The following DGKI variants were observed in gnomAD, a reference collection of about 807,000 sequenced individuals.
DGKI encodes diacylglycerol kinase iota.
Under a neutral mutation model 147.5 loss-of-function variants are expected in DGKI, and 55 were observed. The ratio of observed to expected loss-of-function variants is 0.37; its 90% CI spans 0.30 to 0.47. The LOEUF (loss-of-function observed/expected upper bound fraction) is 0.47. Among genes scored for constraint, DGKI ranks in the 20% least tolerant of loss-of-function variants. The pLI, the probability that DGKI is intolerant of heterozygous loss-of-function variation, is 1.00. For synonymous variants in DGKI, 469 were observed against 477.1 expected, an observed-to-expected ratio of 0.98 and a Z score of 0.22; for missense variants, 1,007 against 1,323.8, an observed-to-expected ratio of 0.76 and a Z score of 3.71.
intron 6 of DGKI, among the ~76,000 whole-genome samples, chr7:137,634,561 A>C (rs1299303305): frequency 9.9e-5 from 15 of 152,232 alleles, no homozygotes; most frequent in Admixed American, 8.5e-4. Flanking sequence ...GAGTGAGCCC[A>C]GCCTTAATCC....
chr7:137,536,558 C>G (rs1336148773), intron 20 of DGKI, among the ~76,000 whole-genome samples: 1 of 152,110 alleles, frequency 6.6e-6, no homozygotes, highest in African/African-American at 2.4e-5. Context: ...GGCAGATTTT[C>G]TTATGATTCT....
intron 8 of DGKI, among the ~76,000 whole-genome samples, chr7:137,616,343 T>C (rs1295314811): frequency 2.0e-5 from 3 of 152,208 alleles, no homozygotes; most frequent in Non-Finnish European, 4.4e-5. Flanking sequence ...ATATAAATGT[T>C]AGCTCTTCTT....
chr7:137,675,472 G>C (rs956776770), intron 3 of DGKI, among the ~76,000 whole-genome samples: 1 of 143,588 alleles, frequency 7.0e-6, no homozygotes, highest in African/African-American at 3.0e-5. Context: ...ATCCCCTGAG[G>C]TCAGGAGTTT....
intron 23 of DGKI, among the ~76,000 whole-genome samples, chr7:137,472,360 AT>A (rs1814991329): frequency 8.5e-6 from 1 of 117,808 alleles, no homozygotes; most frequent in South Asian, 2.3e-4. Context: ...ATATGTATAT[AT>A]ACATATAATT....
chr7:137,808,041 G>A (rs1797436204), intron 1 of DGKI, among the ~76,000 whole-genome samples: 2 of 152,154 alleles, frequency 1.3e-5, no homozygotes, highest in Admixed American at 6.6e-5. Context: ...ACTTTGTTAT[G>A]AAGCCAATTA....
At chr7:137,535,220 T>C (rs1817476309) in intron 20 of DGKI, among the ~76,000 whole-genome samples, 2 of 152,152 alleles carry the variant, frequency 1.3e-5, no homozygotes, top group South Asian at 4.1e-4. Flanking sequence ...CTAGTGTTTA[T>C]AAAAAGATAT....
rs189066902 is a variant in DGKI, at chr7:137,789,296, G to A, written c.401+57166C>T. On this transcript the variant is annotated intron_variant, in intron 1 of 32. Coordinates refer to ENST00000614521, the MANE Select transcript of DGKI (RefSeq NM_001321708.2). ...GAATGCAAAAGATTTGGAAGTGGGA[G>A]AGGTTTTTTTAAAAAAAATAAAATA... 1.7e-3 allele frequency among the ~76,000 whole-genome samples: 252 copies of A among 152,118 alleles called. 2 individuals are homozygous for A. Among genetic ancestry groups the A allele is most frequent in the African/African-American group, 5.7e-3 (237 of 41,518 alleles).
At chr7:137,440,820 T>C (rs1030373680) in intron 28 of DGKI, among the ~76,000 whole-genome samples, 21 of 152,192 alleles carry the variant, frequency 1.4e-4, no homozygotes, top group African/African-American at 5.1e-4. Flanking sequence ...TAGAAACAGT[T>C]TATGTGTCAT....
chr7:137,718,686 T>C (rs3800637), intron 1 of DGKI, among the ~76,000 whole-genome samples: 69,591 of 151,958 alleles, frequency 0.46, 17,448 homozygotes, highest in African/African-American at 0.67. Context: ...CTGAGGGACT[T>C]GTCATCCTTG....
At chr7:137,792,034 A>C (rs2116928849) in intron 1 of DGKI, among the ~76,000 whole-genome samples, 1 of 152,340 alleles carries the variant, frequency 6.6e-6, no homozygotes, top group Admixed American at 6.5e-5. Flanking sequence ...CAGCAGAGAA[A>C]AGAGAGTGTC....
At chr7:137,414,815 A>G (rs1003375843) in intron 28 of DGKI, among the ~76,000 whole-genome samples, 10 of 152,350 alleles carry the variant, frequency 6.6e-5, no homozygotes, top group African/African-American at 2.2e-4. Context: ...TCTAATCGCT[A>G]CAATTTATTG....
intron 19 of DGKI, among the ~76,000 whole-genome samples, chr7:137,563,672 T>C (rs1209334388): frequency 2.0e-5 from 3 of 151,324 alleles, no homozygotes; most frequent in African/African-American, 7.3e-5. Context: ...AATAATTAAA[T>C]GTAAAATTTA....
At chr7:137,840,625 T>G (rs1255506511) in intron 1 of DGKI, among the ~76,000 whole-genome samples, 1 of 152,194 alleles carries the variant, frequency 6.6e-6, no homozygotes, top group African/African-American at 2.4e-5. Context: ...CACAGCTGCC[T>G]AAATGGCTGA....
intron 1 of DGKI, among the ~76,000 whole-genome samples, chr7:137,825,265 G>A (rs753777487): frequency 1.3e-5 from 2 of 151,978 alleles, no homozygotes; most frequent in South Asian, 2.1e-4. Context: ...GCATTTGCAC[G>A]TCTCCAAAAC....
At chr7:137,707,143 T>C (rs776832650) in intron 1 of DGKI, among the ~76,000 whole-genome samples, 33 of 152,222 alleles carry the variant, frequency 2.2e-4, no homozygotes, top group Non-Finnish European at 4.6e-4. Context: ...TAATTCTAAA[T>C]GCCACCACTC....
chr7:137,521,218 T>G (rs1159112691), intron 21 of DGKI, among the ~76,000 whole-genome samples: 1 of 152,076 alleles, frequency 6.6e-6, no homozygotes, highest in Non-Finnish European at 1.5e-5. Context: ...TGTACCAGAT[T>G]GTAAAAAGTG....
intron 1 of DGKI, chr7:137,722,886 C>G: frequency 1.9e-6 from 1 of 534,180 alleles, no homozygotes; most frequent in Non-Finnish European, 2.8e-6. Flanking sequence ...TAGTTGACTA[C>G]GTTAAAAAAA....
At chr7:137,422,160 G>A (rs192891017) in intron 28 of DGKI, among the ~76,000 whole-genome samples, 4 of 152,252 alleles carry the variant, frequency 2.6e-5, no homozygotes, top group South Asian at 2.1e-4. Context: ...AGCAAACTTC[G>A]TGGGTGAATT....
rs1050149374 is a variant in DGKI, at chr7:137,561,128, A to G, written c.1948-8560T>C. On this transcript the variant is annotated intron_variant, in intron 19 of 32. Coordinates refer to ENST00000614521, the MANE Select transcript of DGKI (RefSeq NM_001321708.2). ...TATTGAAGAGACATCTGTAACCCCCATGTTTATTGCAGCACTGCTCCAATA... is the reference window on the plus strand; with the variant it reads ...TATTGAAGAGACATCTGTAACCCCCGTGTTTATTGCAGCACTGCTCCAATA... Among the ~76,000 whole-genome samples, 5 of 152,116 alleles carry G rather than the reference A, an allele frequency of 3.3e-5. No individual in the cohort carries two copies. In the East Asian group the frequency reaches 9.6e-4, roughly 29 times the overall value.
Sources: gnomAD v4.1 joint callset for allele counts (sites outside exome capture counted in the v4.1 genomes callset) on GRCh38, gnomAD v4.1.1 for gene constraint, MANE v1.5 for transcripts, NCBI Gene and HGNC (gene_info 2026-07-23, HGNC 2026-07-21) for gene names.